The following GPM6B variants were observed in gnomAD, a reference collection of about 807,000 sequenced individuals.
The protein encoded by GPM6B is neuronal membrane glycoprotein M6-b.
GPM6B carries 4 observed loss-of-function variants against 27.2 expected under a neutral mutation model. The ratio of observed to expected loss-of-function variants is 0.15; its 90% CI spans 0.07 to 0.34. GPM6B has a LOEUF of 0.34. GPM6B is among the 10% of genes least tolerant of loss of function. The pLI is 1.00. For synonymous variants in GPM6B, 124 were observed against 103.1 expected (o/e 1.20, Z -1.23); for missense variants, 183 against 261.9 (o/e 0.70, Z 2.08).
intron 1 of GPM6B, among the ~76,000 whole-genome samples, chrX:13,861,521 TA>T (rs2049852938): frequency 8.9e-6 from 1 of 112,090 alleles, no homozygotes; most frequent in African/African-American, 3.2e-5. Flanking sequence ...ATAATTCAGA[TA>T]AAAATTCAAC....
At chrX:13,813,237 A>G (rs1432071299) in intron 1 of GPM6B, among the ~76,000 whole-genome samples, 1 of 111,192 alleles carries the variant, frequency 9.0e-6, no homozygotes, top group African/African-American at 3.3e-5. Flanking sequence ...TCCTAAACGA[A>G]AAATGAGAGC....
At chrX:13,867,158 G>A (rs773951712) in intron 1 of GPM6B, among the ~76,000 whole-genome samples, 1 of 111,384 alleles carries the variant, frequency 9.0e-6, no homozygotes, top group Non-Finnish European at 1.9e-5. Flanking sequence ...CACCCAGGCT[G>A]GAGTGCAGTG....
intron 4 of GPM6B, among the ~76,000 whole-genome samples, chrX:13,782,757 C>CAA (rs36124855): frequency 0.012 from 371 of 31,054 alleles, 7 homozygotes; most frequent in African/African-American, 0.038. Flanking sequence ...TGCTCCGTCT[C>CAA]AAAAAAAAAA....
At chrX:13,885,383 ATCTC>A (rs1160330380) in intron 1 of GPM6B, among the ~76,000 whole-genome samples, 3 of 112,390 alleles carry the variant, frequency 2.7e-5, no homozygotes, top group African/African-American at 3.2e-5. Flanking sequence ...TTTAAGCTCA[ATCTC>A]TCTCTTTTTT....
rs10656571 is a variant in GPM6B, at chrX:13,846,790, CTTT to C, written c.-197-60985_-197-60983del. 1.1e-4 allele frequency among the ~76,000 whole-genome samples: 9 copies of C among 85,407 alleles called. 2 individuals are homozygous for C. Among genetic ancestry groups the C allele is most frequent in the Admixed American group, 5.3e-4 (4 of 7,542 alleles). 74.2% of individuals were successfully genotyped at this position (85,407 alleles called of 115,157 possible). A position where few individuals can be genotyped will look rare whatever the true frequency, so the allele number is the denominator to read the frequency against. ...TTACAGGCGTGAGCCACTGCGCCAG[CTTT>C]TTTTTTTTTTTTTTTTTAAACTTTT... is the stretch of plus-strand genomic sequence containing the variant. On this transcript the variant is annotated intron_variant, in intron 1 of 6. Coordinates refer to the GPM6B transcript ENST00000398361.
chrX:13,856,704 A>AT (rs1253547266), intron 1 of GPM6B, among the ~76,000 whole-genome samples: 5 of 77,152 alleles, frequency 6.5e-5, no homozygotes, highest in African/African-American at 1.6e-4. Context: ...TTTTTTTTTT[A>AT]TTATTTTTTT....
intron 1 of GPM6B, among the ~76,000 whole-genome samples, chrX:13,898,172 T>C (rs959824802): frequency 1.8e-5 from 2 of 111,202 alleles, no homozygotes; most frequent in East Asian, 5.7e-4. Flanking sequence ...CAATGGATAT[T>C]CTGGGCCAGA....
rs188407780 is a variant in GPM6B at position 13,780,920 on chromosome X, C to T, written c.526-931G>A. 768 of 315,091 alleles carry T rather than the reference C, an allele frequency of 2.4e-3. 7 individuals are homozygous for T. The highest frequency in any genetic ancestry group is 1.9e-3 in the Non-Finnish European group (308 of 163,020). 26.0% of individuals were successfully genotyped at this position (315,091 alleles called of 1,213,427 possible). On this transcript the variant is annotated intron_variant, in intron 4 of 7. Transcript: ENST00000316715. ...TTCTGTGCTGCAGGAGATACCTGGG[C>T]GGTTGGAGGCCACCTCCTGATGGTC...
chrX:13,880,675 C>CAA lies in GPM6B; in HGVS notation c.-198+57650_-198+57651dup, dbSNP rs57849359. Among the ~76,000 whole-genome samples, 14 of 46,619 alleles carry CAA rather than the reference C, an allele frequency of 3.0e-4. 1 individual carries two copies. Among genetic ancestry groups the CAA allele is most frequent in the African/African-American group, 1.1e-3 (9 of 8,494 alleles). 40.5% of individuals were successfully genotyped at this position (46,619 alleles called of 115,157 possible). Reference sequence around the variant, plus strand: ...TGGGAGACAGAGCAAGGCTCCATCTCAAAAAAAAAAAAAAAAGGCAAATCA... The same window carrying CAA: ...TGGGAGACAGAGCAAGGCTCCATCTCAAAAAAAAAAAAAAAAAAGGCAAATCA... On this transcript the variant is annotated intron_variant, in intron 1 of 6. Coordinates refer to the GPM6B transcript ENST00000398361.
intron 1 of GPM6B, among the ~76,000 whole-genome samples, chrX:13,831,573 T>C (rs1438581619): frequency 9.0e-6 from 1 of 111,368 alleles, no homozygotes; most frequent in African/African-American, 3.3e-5. Context: ...ATCCTCTGAC[T>C]GTACAGGTCA....
intron 1 of GPM6B, among the ~76,000 whole-genome samples, chrX:13,826,331 C>CA (rs2049372008): frequency 9.0e-6 from 1 of 110,505 alleles, no homozygotes; most frequent in Non-Finnish European, 1.9e-5. Flanking sequence ...GAATGGGCCC[C>CA]AACATGACAG....
At chrX:13,812,451 T>G (rs907869228) in intron 1 of GPM6B, among the ~76,000 whole-genome samples, 1 of 111,735 alleles carries the variant, frequency 8.9e-6, no homozygotes, top group Non-Finnish European at 1.9e-5. Flanking sequence ...TGTGGTCACT[T>G]TCTTCCTCCG....
At chrX:13,803,530 G>A (rs899383695) in intron 2 of GPM6B, among the ~76,000 whole-genome samples, 1 of 112,015 alleles carries the variant, frequency 8.9e-6, no homozygotes, top group Non-Finnish European at 1.9e-5. Context: ...GGCGGAAATT[G>A]GTGATATGTG....
Position 13,808,183 on chromosome X carries a change from G to C in GPM6B, c.62-414C>G, listed in dbSNP as rs6629383. Among the ~76,000 whole-genome samples the C allele has an allele frequency of 5.9e-3, 661 of 112,290 alleles. 22 individuals carry two copies. In the East Asian group the frequency reaches 0.13, roughly 21 times the overall value. ...TGAACGCAGGCTCCCTCTCTGTAAG[G>C]GTACCCAGCTCTAGTCCAGAAAACC... On this transcript the variant is annotated intron_variant, in intron 1 of 7. Transcript: ENST00000316715.
intron 1 of GPM6B, among the ~76,000 whole-genome samples, chrX:13,825,088 T>C (rs2049357116): frequency 8.9e-6 from 1 of 111,900 alleles, no homozygotes; most frequent in Non-Finnish European, 1.9e-5. Flanking sequence ...GACTGGGGCC[T>C]ACCCTCATTG....
At chrX:13,807,825 A>G (rs2049051374) in intron 1 of GPM6B, 56 bp from the exon 2 acceptor site, 2 of 1,074,701 alleles carry the variant, frequency 1.9e-6, no homozygotes, top group East Asian at 6.1e-5. Context: ...AAGATTCTAT[A>G]TCAGCATTTT....
chrX:13,826,599 G>A (rs930612929), intron 1 of GPM6B, among the ~76,000 whole-genome samples: 1 of 108,586 alleles, frequency 9.2e-6, no homozygotes, highest in Non-Finnish European at 1.9e-5. Flanking sequence ...ATAGCCAAGT[G>A]TAGCGGGGCA....
intron 1 of GPM6B, chrX:13,888,920 T>C (rs1323261999): frequency 8.9e-6 from 1 of 111,806 alleles, no homozygotes; most frequent in Non-Finnish European, 1.9e-5. Flanking sequence ...ACTAGAACAA[T>C]GGGCTTTTAA....
At chrX:13,813,113 C>T (rs1406209586) in intron 1 of GPM6B, among the ~76,000 whole-genome samples, 1 of 111,017 alleles carries the variant, frequency 9.0e-6, no homozygotes, top group Non-Finnish European at 1.9e-5. Context: ...AAAATGTCAA[C>T]ACAAATTTCA....
Sources: allele counts gnomAD v4.1 joint callset (sites outside exome capture counted in the v4.1 genomes callset), GRCh38; gene constraint gnomAD v4.1.1; transcripts MANE v1.5; gene names NCBI Gene and HGNC (gene_info 2026-07-23, HGNC 2026-07-21).